Variants in TMX4 observed in about 807,000 individuals in gnomAD.
TMX4 encodes the protein thioredoxin related transmembrane protein 4.
TMX4 carries 23 observed loss-of-function variants against 33.3 expected under a neutral mutation model. The observed-to-expected ratio is 0.69, with a 90% confidence interval of 0.50 to 0.98. TMX4 has a LOEUF of 0.98. Among genes scored for constraint, TMX4 ranks in the 50% least tolerant of loss-of-function variants. The pLI, the probability that TMX4 is intolerant of heterozygous loss-of-function variation, is 0.00. For missense variants in TMX4, 399 were observed against 448.9 expected, an observed-to-expected ratio of 0.89 and a Z score of 1.01; for synonymous variants, 164 against 161.5, an observed-to-expected ratio of 1.02 and a Z score of -0.12.
chr20:8,001,002 C>G (rs934550548), intron 3 of TMX4, among the ~76,000 whole-genome samples: 7 of 152,152 alleles, frequency 4.6e-5, no homozygotes, highest in Non-Finnish European at 5.9e-5. Context: ...TCCCACTGAT[C>G]CTACCTCCTA....
At chr20:8,013,870 C>G (rs2050762553) in intron 1 of TMX4, 1 of 152,118 alleles carries the variant, frequency 6.6e-6, no homozygotes, top group African/African-American at 2.4e-5. Context: ...AGAAATGAGA[C>G]AGTCAATAAC....
chr20:8,017,637 A>G (rs916722937), intron 1 of TMX4, among the ~76,000 whole-genome samples: 2 of 152,180 alleles, frequency 1.3e-5, no homozygotes, highest in Admixed American at 1.3e-4. Context: ...CTTTTCTTAC[A>G]TACATATGCA....
At chr20:8,009,924 A>AATTG (rs1325267739) in intron 2 of TMX4, among the ~76,000 whole-genome samples, 1 of 151,908 alleles carries the variant, frequency 6.6e-6, no homozygotes, top group Non-Finnish European at 1.5e-5. Context: ...CGTGCTAAAG[A>AATTG]ATTGAAGGGT....
At chr20:7,996,331 T>A (rs534754921) in intron 4 of TMX4, among the ~76,000 whole-genome samples, 3 of 152,186 alleles carry the variant, frequency 2.0e-5, no homozygotes, top group African/African-American at 7.2e-5. Flanking sequence ...AGCAGCTGAA[T>A]GTCTCCAGGG....
chr20:7,985,137 T>C (rs1032982806), intron 6 of TMX4, among the ~76,000 whole-genome samples: 1 of 152,016 alleles, frequency 6.6e-6, no homozygotes, highest in African/African-American at 2.4e-5. Context: ...AAGTTGAAAG[T>C]ACATAAGAAA....
intron 1 of TMX4, among the ~76,000 whole-genome samples, chr20:8,017,174 C>A (rs978250042): frequency 2.6e-5 from 4 of 151,866 alleles, no homozygotes; most frequent in African/African-American, 9.7e-5. Flanking sequence ...TAGATAAGAA[C>A]CAAAATATTT....
intron 2 of TMX4, among the ~76,000 whole-genome samples, chr20:8,002,502 G>A (rs977268891): frequency 2.0e-5 from 3 of 152,038 alleles, no homozygotes; most frequent in African/African-American, 7.2e-5. Context: ...TATTTGCATG[G>A]GCACCAAGAA....
rs2050590252 is a variant in TMX4, at chr20:7,978,420, T to C, written c.*3831A>G. On this transcript the variant is annotated 3_prime_UTR_variant, in exon 8 of 8. Coordinates refer to ENST00000246024, the MANE Select transcript of TMX4 (RefSeq NM_021156.4). ...AATAAAAAGTCACATGGTAAGTATT[T>C]GCCTTAAAAATGACTTTTATCGTCT... The C allele has an allele frequency of 6.6e-6, 1 of 152,246 alleles. No homozygotes were observed. The highest frequency in any genetic ancestry group is 2.4e-5 in the African/African-American group (1 of 41,466). 9.4% of individuals were successfully genotyped at this position (152,246 alleles called of 1,614,324 possible). A position where few individuals can be genotyped will look rare whatever the true frequency, so the allele number is the denominator to read the frequency against.
chr20:7,996,203 T>A, intron 4 of TMX4, 132 bp from the exon 5 acceptor site: 1 of 665,418 alleles, frequency 1.5e-6, no homozygotes, highest in Non-Finnish European at 2.6e-6. Flanking sequence ...GATTCATATC[T>A]GTTCTTACAG....
intron 2 of TMX4, among the ~76,000 whole-genome samples, chr20:8,006,445 G>A (rs930542157): frequency 6.6e-6 from 1 of 152,122 alleles, no homozygotes; most frequent in South Asian, 2.1e-4. Flanking sequence ...GGCAAGGCAA[G>A]AATACACTAA....
Position 8,019,443 on chromosome 20 carries a change from C to G in TMX4, c.171G>C (p.Leu57=), listed in dbSNP as rs577143872. The stretch of plus-strand genomic sequence containing the variant: ...GGGCGGGCGGGCACACTCACAATTT[C>G]AGCATCCACTCGCCCTCCATCACCA... ...WTLVMEGEWM[L]KFYAPWCPSC... The change falls in exon 1 of 8, where the codon CTG becomes CTC. Residue 57 remains leucine, a synonymous_variant. Coordinates refer to ENST00000246024, the MANE Select transcript of TMX4 (RefSeq NM_021156.4). The G allele has an allele frequency of 7.1e-5, 107 of 1,517,390 alleles. No homozygotes were observed. In the African/African-American group the frequency reaches 1.4e-3, roughly 21 times the overall value. The allele number at this position is 1,517,390 out of a possible 1,614,324, so 94.0% of individuals were successfully genotyped here. A position where few individuals can be genotyped will look rare whatever the true frequency, so the allele number is the denominator to read the frequency against.
chr20:7,977,924 T>C lies in TMX4; in HGVS notation c.*4327A>G, dbSNP rs1157129602. On this transcript the variant is annotated 3_prime_UTR_variant, in exon 8 of 8. Coordinates refer to ENST00000246024, the MANE Select transcript of TMX4 (RefSeq NM_021156.4). ...TGAAGCGATCAAAGGGCTTTTCAACTGAAGTTCTTACTTCCAGAAAGCTGT... is the reference window on the plus strand; with the variant it reads ...TGAAGCGATCAAAGGGCTTTTCAACCGAAGTTCTTACTTCCAGAAAGCTGT... The C allele has an allele frequency of 6.6e-6, 1 of 152,230 alleles. No homozygotes were observed. Among genetic ancestry groups the C allele is most frequent in the South Asian group, 2.1e-4 (1 of 4,838 alleles). 9.4% of individuals were successfully genotyped at this position (152,230 alleles called of 1,614,324 possible).
intron 1 of TMX4, among the ~76,000 whole-genome samples, chr20:8,015,356 C>A (rs2050770453): frequency 6.6e-6 from 1 of 152,168 alleles, no homozygotes; most frequent in Non-Finnish European, 1.5e-5. Flanking sequence ...GAGACTACTA[C>A]TAGAATATAA....
chr20:7,994,013 T>C (rs1306005082), intron 5 of TMX4, among the ~76,000 whole-genome samples: 1 of 151,908 alleles, frequency 6.6e-6, no homozygotes, highest in African/African-American at 2.4e-5. Context: ...AATAGAAAAA[T>C]TACTCCATGC....
intron 1 of TMX4, among the ~76,000 whole-genome samples, chr20:8,018,446 GA>G (rs1375386363): frequency 0.073 from 3,289 of 44,840 alleles, 797 homozygotes; most frequent in East Asian, 0.54. Context: ...GAGAGAGAGA[GA>G]GGGGGAGGGA....
At chr20:7,993,893 G>A (rs1280806572) in intron 5 of TMX4, among the ~76,000 whole-genome samples, 2 of 151,922 alleles carry the variant, frequency 1.3e-5, no homozygotes, top group East Asian at 3.9e-4. Flanking sequence ...CAGGACAAAT[G>A]TTTTAGTGAT....
At chr20:7,987,774 T>G (rs1015056258) in intron 5 of TMX4, among the ~76,000 whole-genome samples, 4 of 152,206 alleles carry the variant, frequency 2.6e-5, no homozygotes, top group African/African-American at 9.6e-5. Flanking sequence ...TTAGTAAAAC[T>G]AAATTACGAC....
Position 7,999,737 on chromosome 20 carries a change from A to C in TMX4, c.462T>G (p.Ser154=), listed in dbSNP as rs375102033. The C allele has an allele frequency of 3.7e-6, 6 of 1,610,442 alleles. No homozygotes were observed. The Admixed American group carries it at 8.5e-5, about 23-fold the overall frequency. Residue 154 remains serine (S), a synonymous_variant, in exon 4 of 8, where the codon TCT becomes TCG. Coordinates refer to ENST00000246024, the MANE Select transcript of TMX4 (RefSeq NM_021156.4). ...EPLTGWKSPA[S]LTMSGMAGLF... Reference sequence around the variant, plus strand: ...GTCTTAAAAAATTGAGTTACGTTAGAGAAGCCGGGGATTTCCAGCCAGTCA... The same window carrying C: ...GTCTTAAAAAATTGAGTTACGTTAGCGAAGCCGGGGATTTCCAGCCAGTCA...
At position 7,980,098 on chromosome 20, in the gene TMX4, T is replaced by G. The variant is rs1243395407; in HGVS notation, c.*2153A>C. 1 of 152,140 alleles carries G rather than the reference T, an allele frequency of 6.6e-6. No homozygotes were observed. The highest frequency in any genetic ancestry group is 2.4e-5 in the African/African-American group (1 of 41,420). The allele number at this position is 152,140 out of a possible 1,614,324, so 9.4% of individuals were successfully genotyped here. A position where few individuals can be genotyped will look rare whatever the true frequency, so the allele number is the denominator to read the frequency against. On this transcript the variant is annotated 3_prime_UTR_variant, in exon 8 of 8. Coordinates refer to ENST00000246024, the MANE Select transcript of TMX4 (RefSeq NM_021156.4). ...CTCAAAGTTTAAGATTTTGGAGCAT[T>G]TGGGGTTTTGGATTGTTGGAACGGA...
Sources: gnomAD v4.1 joint callset for allele counts (sites outside exome capture counted in the v4.1 genomes callset) on GRCh38, gnomAD v4.1.1 for gene constraint, MANE v1.5 for transcripts, NCBI Gene and HGNC (gene_info 2026-07-23, HGNC 2026-07-21) for gene names.